Variants in ACTN2 observed in about 807,000 individuals in gnomAD.
ACTN2 encodes the protein alpha-actinin-2.
In ACTN2, 39 loss-of-function variants were observed where a neutral mutation model predicts 113.8. The ratio of observed to expected loss-of-function variants is 0.34; its 90% CI spans 0.27 to 0.45. The LOEUF (loss-of-function observed/expected upper bound fraction) is 0.45. Among genes scored for constraint, ACTN2 ranks in the 20% least tolerant of loss-of-function variants. ACTN2 has a pLI of 1.00. For synonymous variants in ACTN2, 429 were observed against 444.1 expected, an observed-to-expected ratio of 0.97 and a Z score of 0.43; for missense variants, 992 against 1,177.9, an observed-to-expected ratio of 0.84 and a Z score of 2.31.
chr1:236,730,147 G>A (rs1228475303), intron 6 of ACTN2, among the ~76,000 whole-genome samples: 2 of 152,302 alleles, frequency 1.3e-5, no homozygotes, highest in Admixed American at 6.5e-5. Flanking sequence ...CCACATGGCC[G>A]ATAGCTGAGG....
chr1:236,689,344 CACAT>C (rs1665993051), intron 1 of ACTN2, among the ~76,000 whole-genome samples: 1 of 128,744 alleles, frequency 7.8e-6, no homozygotes, highest in Non-Finnish European at 1.7e-5. Context: ...TATATACACA[CACAT>C]ATGTATATTT....
chr1:236,745,890 A>G (rs115099659), intron 12 of ACTN2, among the ~76,000 whole-genome samples: 2,932 of 152,250 alleles, frequency 0.019, 69 homozygotes, highest in African/African-American at 0.06. Context: ...CTGGCTGGGC[A>G]CAGTGGCTCA....
intron 1 of ACTN2, among the ~76,000 whole-genome samples, chr1:236,697,035 C>T (rs1165756213): frequency 6.6e-6 from 1 of 152,222 alleles, no homozygotes; most frequent in Non-Finnish European, 1.5e-5. Context: ...GAATTCTAAT[C>T]ATTTCTAGCC....
chr1:236,712,929 T>C (rs982568105), intron 1 of ACTN2, among the ~76,000 whole-genome samples: 1 of 152,108 alleles, frequency 6.6e-6, no homozygotes, highest in Admixed American at 6.6e-5. Context: ...GCTTTTTTTT[T>C]TTTTTAACAA....
intron 4 of ACTN2, among the ~76,000 whole-genome samples, chr1:236,724,575 C>T (rs1320726126): frequency 2.6e-5 from 4 of 152,324 alleles, no homozygotes; most frequent in Non-Finnish European, 4.4e-5. Context: ...AGGTTAATTT[C>T]GCCAGGCTGA....
In ACTN2 at chr1:236,749,690, A is replaced by G. The variant is rs112767784; in HGVS notation, c.1656+426A>G. On this transcript the variant is annotated intron_variant, in intron 14 of 20. Transcript: ENST00000366578. ...GTGGTGCACGCCTGGAGTCCCAGCT[A>G]CTGGGAAGGCTGAGGTGGGAGGATC... Among the ~76,000 whole-genome samples, 123 of 152,224 alleles carry G rather than the reference A, an allele frequency of 8.1e-4. 2 individuals are homozygous for G. The highest frequency in any genetic ancestry group is 2.7e-3 in the African/African-American group (114 of 41,542).
intron 1 of ACTN2, among the ~76,000 whole-genome samples, chr1:236,693,074 A>G (rs922847103): frequency 6.6e-6 from 1 of 152,040 alleles, no homozygotes; most frequent in African/African-American, 2.4e-5. Flanking sequence ...CTTGCAAACT[A>G]CTATGCTAGA....
At chr1:236,736,741 C>T (rs1658888787) in intron 8 of ACTN2, 1 of 980,482 alleles carries the variant, frequency 1.0e-6, no homozygotes, top group African/African-American at 1.6e-5. Flanking sequence ...AGGGAGTCTC[C>T]ATCCCATCGT....
At chr1:236,750,702 A>C (rs1034640330) in intron 14 of ACTN2, among the ~76,000 whole-genome samples, 1 of 152,114 alleles carries the variant, frequency 6.6e-6, no homozygotes, top group Non-Finnish European at 1.5e-5. Context: ...CTTTTTGAGG[A>C]ATAGGGATGT....
At chr1:236,716,264 G>A (rs1021484441) in intron 1 of ACTN2, among the ~76,000 whole-genome samples, 3 of 152,038 alleles carry the variant, frequency 2.0e-5, no homozygotes, top group Admixed American at 1.3e-4. Context: ...TTTTTGATAG[G>A]TTGAAGTTTT....
chr1:236,710,340 A>T (rs1013317580), intron 1 of ACTN2, among the ~76,000 whole-genome samples: 2 of 152,260 alleles, frequency 1.3e-5, no homozygotes, highest in African/African-American at 4.8e-5. Context: ...GTTTGTCTCA[A>T]CAATTCAGTA....
chr1:236,753,886 G>A, intron 15 of ACTN2, 61 bp from the exon 16 acceptor site: 1 of 918,864 alleles, frequency 1.1e-6, no homozygotes, highest in Non-Finnish European at 1.6e-6. Flanking sequence ...CCCGCATTCT[G>A]TGGTTGTTCC....
intron 12 of ACTN2, among the ~76,000 whole-genome samples, chr1:236,745,463 C>T (rs1358470042): frequency 6.6e-6 from 1 of 152,092 alleles, no homozygotes; most frequent in African/African-American, 2.4e-5. Flanking sequence ...CAAAATAAAA[C>T]AAAAAAGTGG....
chr1:236,721,020 T>G (rs1334075779), intron 4 of ACTN2, among the ~76,000 whole-genome samples: 1 of 64,818 alleles, frequency 1.5e-5, no homozygotes, highest in Non-Finnish European at 3.3e-5. Context: ...TTTTTGTTTT[T>G]TGTTTTTTTT....
At chr1:236,691,194 C>T (rs1666070543) in intron 1 of ACTN2, among the ~76,000 whole-genome samples, 1 of 151,804 alleles carries the variant, frequency 6.6e-6, no homozygotes, top group Non-Finnish European at 1.5e-5. Flanking sequence ...CTGCCCACCT[C>T]GGCCTCCCAA....
chr1:236,717,881 C>A lies in ACTN2; in HGVS notation c.150C>A (p.Ser50=). The A allele has an allele frequency of 6.2e-7, 1 of 1,614,012 alleles. No individual in the cohort carries two copies. The highest frequency in any genetic ancestry group is 8.5e-7 in the Non-Finnish European group (1 of 1,179,968). Residue 50 remains serine, a synonymous_variant, in exon 2 of 21, where the codon TCC becomes TCA. Coordinates refer to ENST00000366578, the MANE Select transcript of ACTN2 (RefSeq NM_001103.4). ...QRKTFTAWCN[S]HLRKAGTQIE... ...AGACCTTCACTGCCTGGTGTAACTC[C>A]CACCTAAGGAAAGCCGGCACCCAGA...
At chr1:236,745,980 G>A (rs543913328) in intron 12 of ACTN2, among the ~76,000 whole-genome samples, 4 of 151,914 alleles carry the variant, frequency 2.6e-5, no homozygotes, top group East Asian at 1.9e-4. Context: ...TGGCTAACAC[G>A]GTGAAACCCC....
intron 1 of ACTN2, among the ~76,000 whole-genome samples, chr1:236,715,148 C>G (rs955796323): frequency 7.3e-6 from 1 of 136,264 alleles, no homozygotes; most frequent in Non-Finnish European, 1.5e-5. Flanking sequence ...ACTTGAATTT[C>G]TTTTTCCTTT....
rs1558235334 is a variant in ACTN2 at position 236,725,962 on chromosome 1, T to C, written c.478T>C (p.Trp160Arg). The change falls in exon 5 of 21, where the codon TGG becomes CGG. Residue 160 changes from tryptophan (W) to arginine (R), a missense_variant. Physicochemically the swap from Trp to Arg is moderately radical, Grantham distance 101. Coordinates refer to ENST00000366578, the MANE Select transcript of ACTN2 (RefSeq NM_001103.4). ...ATCTGCCAAAGAAGGTCTGCTGCTTTGGTGTCAGAGGAAAACTGCTCCTTA... is the reference window on the plus strand; with the variant it reads ...ATCTGCCAAAGAAGGTCTGCTGCTTCGGTGTCAGAGGAAAACTGCTCCTTA... The part of the protein sequence containing the change: ...ETSAKEGLLL[W>R]CQRKTAPYRN... The C allele has an allele frequency of 6.2e-7, 1 of 1,614,204 alleles. No homozygotes were observed. Among genetic ancestry groups the C allele is most frequent in the Admixed American group, 1.7e-5 (1 of 60,028 alleles).
Sources: gnomAD v4.1 joint callset for allele counts (sites outside exome capture counted in the v4.1 genomes callset) on GRCh38, gnomAD v4.1.1 for gene constraint, MANE v1.5 for transcripts, NCBI Gene and HGNC (gene_info 2026-07-23, HGNC 2026-07-21) for gene names.